The following MOB3B variants were observed in gnomAD, a reference collection of about 807,000 sequenced individuals.
The protein encoded by MOB3B is MOB kinase activator-like 2B.
In MOB3B, 7 loss-of-function variants were observed where a neutral mutation model predicts 18.7. That is an observed-to-expected ratio of 0.37 (90% confidence interval 0.21 to 0.70). The LOEUF is 0.70. Among genes scored for constraint, MOB3B ranks in the 30% least tolerant of loss-of-function variants. MOB3B has a pLI of 0.52. For synonymous variants in MOB3B, 111 were observed against 99.9 expected, an observed-to-expected ratio of 1.11 and a Z score of -0.66; for missense variants, 253 against 281.3, an observed-to-expected ratio of 0.90 and a Z score of 0.72.
chr9:27,455,101 A>G, intron 2 of MOB3B, 32 bp downstream of exon 2: 1 of 1,613,278 alleles, frequency 6.2e-7, no homozygotes, highest in Non-Finnish European at 8.5e-7. Flanking sequence ...TGTGCAGGTG[A>G]CAAAAAAACT....
chr9:27,363,228 C>A (rs1192734200), intron 2 of MOB3B, among the ~76,000 whole-genome samples: 1 of 152,122 alleles, frequency 6.6e-6, no homozygotes, highest in Non-Finnish European at 1.5e-5. Flanking sequence ...TCCAGTGACA[C>A]CCTGAGTAGT....
chr9:27,454,322 T>C (rs929549950), intron 2 of MOB3B, among the ~76,000 whole-genome samples: 9 of 152,332 alleles, frequency 5.9e-5, no homozygotes, highest in African/African-American at 2.2e-4. Context: ...CCACAAATAT[T>C]TCCTGAGTGT....
intron 2 of MOB3B, among the ~76,000 whole-genome samples, chr9:27,392,994 TA>T (rs530580470): frequency 1.6e-3 from 242 of 152,328 alleles, no homozygotes; most frequent in African/African-American, 5.6e-3. Flanking sequence ...TTGCTTGAGA[TA>T]AAAAGGAGGA....
chr9:27,344,288 A>G (rs1028238294), intron 3 of MOB3B, among the ~76,000 whole-genome samples: 1 of 152,206 alleles, frequency 6.6e-6, no homozygotes, highest in African/African-American at 2.4e-5. Flanking sequence ...TGTGTGTGTA[A>G]TGTGTCTCCA....
chr9:27,454,376 A>C (rs1427927599), intron 2 of MOB3B, among the ~76,000 whole-genome samples: 1 of 152,222 alleles, frequency 6.6e-6, no homozygotes, highest in East Asian at 1.9e-4. Flanking sequence ...GAGCTACAAC[A>C]GTGGACATAG....
intron 3 of MOB3B, among the ~76,000 whole-genome samples, chr9:27,339,359 T>C (rs1820909021): frequency 6.6e-6 from 1 of 152,230 alleles, no homozygotes; most frequent in Admixed American, 6.5e-5. Flanking sequence ...CAAATTTATT[T>C]TGGAACTAGG....
At chr9:27,509,198 A>G (rs1820099816) in intron 1 of MOB3B, among the ~76,000 whole-genome samples, 1 of 152,174 alleles carries the variant, frequency 6.6e-6, no homozygotes, top group Non-Finnish European at 1.5e-5. Context: ...ACATAAATAT[A>G]CACATACATT....
intron 2 of MOB3B, among the ~76,000 whole-genome samples, chr9:27,370,508 C>CAAAAAA (rs761033781): frequency 1.2e-5 from 1 of 82,724 alleles, no homozygotes. Context: ...AACTCCATCT[C>CAAAAAA]AGAAAAAAAA....
At chr9:27,352,206 C>A (rs1039848690) in intron 3 of MOB3B, among the ~76,000 whole-genome samples, 2 of 151,942 alleles carry the variant, frequency 1.3e-5, no homozygotes, top group African/African-American at 2.4e-5. Flanking sequence ...CGTAGTGAGA[C>A]CCTGTCTCTA....
chr9:27,499,284 A>C (rs1819950682), intron 1 of MOB3B, among the ~76,000 whole-genome samples: 1 of 152,214 alleles, frequency 6.6e-6, no homozygotes, highest in Non-Finnish European at 1.5e-5. Flanking sequence ...CAGAGGATGA[A>C]GCTGGAATGC....
At chr9:27,506,171 CTT>C (rs1820056657) in intron 1 of MOB3B, among the ~76,000 whole-genome samples, 1 of 152,194 alleles carries the variant, frequency 6.6e-6, no homozygotes, top group African/African-American at 2.4e-5. Context: ...CACTGGAAGT[CTT>C]GGAGGAACCA....
chr9:27,428,580 T>A (rs1822371532), intron 2 of MOB3B, among the ~76,000 whole-genome samples: 1 of 152,256 alleles, frequency 6.6e-6, no homozygotes, highest in Non-Finnish European at 1.5e-5. Flanking sequence ...TGAGTTTCCA[T>A]TCATTGCGGT....
intron 1 of MOB3B, among the ~76,000 whole-genome samples, chr9:27,486,056 T>C (rs1819725131): frequency 6.6e-6 from 1 of 152,224 alleles, no homozygotes; most frequent in Non-Finnish European, 1.5e-5. Context: ...GGAGAAGCCA[T>C]TAAACACACA....
intron 3 of MOB3B, among the ~76,000 whole-genome samples, chr9:27,358,371 G>A (rs994029971): frequency 2.0e-5 from 3 of 152,218 alleles, no homozygotes; most frequent in African/African-American, 7.2e-5. Context: ...CAGATTGAGT[G>A]CCACTGGAAA....
chr9:27,425,773 G>A (rs940638312), intron 2 of MOB3B, among the ~76,000 whole-genome samples: 1 of 152,172 alleles, frequency 6.6e-6, no homozygotes, highest in Admixed American at 6.5e-5. Flanking sequence ...TCTTTTGTCA[G>A]CCTTCTCTTC....
At chr9:27,517,053 T>C (rs1040361253) in intron 1 of MOB3B, among the ~76,000 whole-genome samples, 1 of 152,122 alleles carries the variant, frequency 6.6e-6, no homozygotes, top group Non-Finnish European at 1.5e-5. Context: ...TATTTCCTCC[T>C]TCTCACCCCC....
At chr9:27,507,304 G>GC in intron 1 of MOB3B, among the ~76,000 whole-genome samples, 1 of 152,264 alleles carries the variant, frequency 6.6e-6, no homozygotes, top group Middle Eastern at 3.4e-3. Context: ...TTTCTTTCCA[G>GC]CCAGTGGGAT....
At chr9:27,451,377 A>G (rs138240133) in intron 2 of MOB3B, among the ~76,000 whole-genome samples, 2 of 152,336 alleles carry the variant, frequency 1.3e-5, no homozygotes, top group East Asian at 1.9e-4. Flanking sequence ...AAAAGGTTTC[A>G]AGAGAGAGTA....
At chr9:27,529,361 G>C (rs897076844) in intron 1 of MOB3B, among the ~76,000 whole-genome samples, 194 bp downstream of exon 1, 2 of 152,112 alleles carry the variant, frequency 1.3e-5, no homozygotes, top group Non-Finnish European at 2.9e-5. Context: ...CCCAGGCGCC[G>C]GCAGGGGTCT....
Sources: gnomAD v4.1 joint callset for allele counts (sites outside exome capture counted in the v4.1 genomes callset) on GRCh38, gnomAD v4.1.1 for gene constraint, MANE v1.5 for transcripts, NCBI Gene and HGNC (gene_info 2026-07-23, HGNC 2026-07-21) for gene names.